The following UNK variants were observed in gnomAD, a reference collection of about 807,000 sequenced individuals.
The protein encoded by UNK is unk zinc finger.
Under a neutral mutation model 97.6 loss-of-function variants are expected in UNK, and 32 were observed. The ratio of observed to expected loss-of-function variants is 0.33; its 90% CI spans 0.25 to 0.44. The LOEUF (loss-of-function observed/expected upper bound fraction) is 0.44, where lower values mean the gene tolerates loss of function less well. Ranked by LOEUF, UNK falls within the 20% of genes least tolerant of loss-of-function variation. The probability of loss-of-function intolerance (pLI) is 1.00; values close to 1 mark genes in which losing one functional copy is unlikely to be tolerated. For missense variants in UNK, 771 were observed against 1,098.4 expected (o/e 0.70, Z 4.21); for synonymous variants, 441 against 461.2 (o/e 0.96, Z 0.56).
chr17:75,798,066 CTT>C (rs776246418), intron 1 of UNK, among the ~76,000 whole-genome samples: 56 of 129,080 alleles, frequency 4.3e-4, no homozygotes, highest in Admixed American at 6.4e-4. Context: ...GACCACAGCT[CTT>C]TTTTTTTTTT....
At chr17:75,793,453 T>A (rs1160135191) in intron 1 of UNK, 1 of 985,308 alleles carries the variant, frequency 1.0e-6, no homozygotes, top group Non-Finnish European at 1.2e-6. Context: ...TGTGTAGAAT[T>A]TGACAGCAGT....
intron 6 of UNK, 25 bp downstream of exon 6, chr17:75,813,903 G>C (rs755985928): frequency 6.5e-7 from 1 of 1,538,860 alleles, no homozygotes; most frequent in African/African-American, 1.4e-5. Flanking sequence ...AGGGTGGGGG[G>C]GTGGCTTTGG....
At chr17:75,785,278 C>A in intron 1 of UNK, 1 of 363,612 alleles carries the variant, frequency 2.8e-6, no homozygotes, top group Non-Finnish European at 5.0e-6. Context: ...CTAACTGTTC[C>A]TCAGACCATA....
chr17:75,786,625 G>A (rs1002600999), intron 1 of UNK, among the ~76,000 whole-genome samples: 1 of 152,134 alleles, frequency 6.6e-6, no homozygotes, highest in African/African-American at 2.4e-5. Context: ...TTGGGAGGCC[G>A]AGGCGGATCG....
At position 75,816,958 on chromosome 17, in the gene UNK, G is replaced by A. The variant is rs750072308; in HGVS notation, c.1104+46G>A. On this transcript the variant is annotated intron_variant, in intron 8 of 15. Transcript: ENST00000589666. The surrounding 1 kb of genome is among the most constrained non-coding windows in gnomAD (Gnocchi z 4.0). Reference sequence around the variant, plus strand: ...GTGGGTGGGCACCATGCCTGACAGAGCCAATACTTGCCTCCTAGGCCCTTT... The same window carrying A: ...GTGGGTGGGCACCATGCCTGACAGAACCAATACTTGCCTCCTAGGCCCTTT... 6.4e-7 allele frequency: 1 copy of A among 1,562,912 alleles called. No individual in the cohort carries two copies. Among genetic ancestry groups the A allele is most frequent in the Non-Finnish European group, 8.6e-7 (1 of 1,159,720 alleles).
Position 75,817,986 on chromosome 17 carries a change from G to C in UNK, c.1306-117G>C. On this transcript the variant is annotated intron_variant, in intron 9 of 15. Transcript: ENST00000589666. This position sits in a 1 kb window ranked among gnomAD's most constrained non-coding sequence, Gnocchi z 5.8. ...AAGAAGGGGGTGTGTGCATGCATGTGAAGAGGGGTTGCATGTCTGCCACCA... is the reference window on the plus strand; with the variant it reads ...AAGAAGGGGGTGTGTGCATGCATGTCAAGAGGGGTTGCATGTCTGCCACCA... The C allele has an allele frequency of 2.1e-6, 2 of 948,100 alleles. No individual in the cohort carries two copies. The highest frequency in any genetic ancestry group is 3.3e-6 in the Non-Finnish European group (2 of 602,974). 58.7% of individuals were successfully genotyped at this position (948,100 alleles called of 1,614,324 possible).
chr17:75,813,391 C>G (rs1413342951), intron 5 of UNK, among the ~76,000 whole-genome samples, 178 bp downstream of exon 5: 1 of 152,188 alleles, frequency 6.6e-6, no homozygotes, highest in Non-Finnish European at 1.5e-5. Context: ...AGGAGCCCAG[C>G]TTCACCTCCT....
chr17:75,804,400 A>G (rs1044776900), intron 1 of UNK, among the ~76,000 whole-genome samples: 4 of 152,030 alleles, frequency 2.6e-5, no homozygotes, highest in African/African-American at 9.7e-5. Flanking sequence ...GGTTGCAGTG[A>G]GCTGAGATCA....
intron 1 of UNK, among the ~76,000 whole-genome samples, chr17:75,790,707 G>T (rs1158972855): frequency 6.6e-6 from 1 of 151,936 alleles, no homozygotes; most frequent in East Asian, 1.9e-4. Flanking sequence ...GAGGCGAGTG[G>T]ATCACTTGAG....
intron 3 of UNK, 45 bp from the exon 4 acceptor site, chr17:75,812,410 C>T (rs377554682): frequency 1.3e-6 from 2 of 1,592,880 alleles, no homozygotes; most frequent in Admixed American, 1.7e-5. Flanking sequence ...TTCTTGCCCC[C>T]TCATGCCCCC....
intron 3 of UNK, 31 bp from the exon 4 acceptor site, chr17:75,812,424 C>T (rs752397755): frequency 4.1e-5 from 65 of 1,601,032 alleles, no homozygotes; most frequent in Non-Finnish European, 4.8e-5. Flanking sequence ...TGCCCCCTCT[C>T]CACCCTCTCT....
intron 1 of UNK, among the ~76,000 whole-genome samples, chr17:75,791,294 A>G (rs1037817271): frequency 1.3e-5 from 2 of 152,248 alleles, no homozygotes; most frequent in South Asian, 2.1e-4. Flanking sequence ...CAATACTTCC[A>G]TAGATAACTC....
intron 3 of UNK, 43 bp downstream of exon 3, chr17:75,812,331 T>A: frequency 6.3e-7 from 1 of 1,589,598 alleles, no homozygotes. Flanking sequence ...TAGGCTGGGG[T>A]CCAGGGCAGG....
chr17:75,803,910 G>T (rs914668144), intron 1 of UNK, among the ~76,000 whole-genome samples: 3 of 152,182 alleles, frequency 2.0e-5, no homozygotes, highest in African/African-American at 7.2e-5. Context: ...GGTAATGTTT[G>T]TTAATGAATT....
intron 1 of UNK, among the ~76,000 whole-genome samples, chr17:75,787,284 T>C (rs1437933466): frequency 1.3e-5 from 2 of 152,100 alleles, no homozygotes; most frequent in South Asian, 2.1e-4. Context: ...CCATCTCAGC[T>C]CACTGTAGCC....
chr17:75,808,015 A>G (rs1031809811), intron 1 of UNK, among the ~76,000 whole-genome samples: 6 of 152,160 alleles, frequency 3.9e-5, no homozygotes, highest in Non-Finnish European at 8.8e-5. Context: ...TAATCTGCCC[A>G]TTCTAACCAT....
chr17:75,811,210 C>T (rs2061966225), intron 2 of UNK, among the ~76,000 whole-genome samples: 1 of 152,184 alleles, frequency 6.6e-6, no homozygotes, highest in Non-Finnish European at 1.5e-5. Context: ...CTCGGCCTCC[C>T]ACAAGTGTTG....
chr17:75,794,158 A>G, intron 1 of UNK: 1 of 973,712 alleles, frequency 1.0e-6, no homozygotes, highest in South Asian at 4.8e-5. Flanking sequence ...AATGAATACA[A>G]AAATGTATAT....
In UNK at chr17:75,824,378, C is replaced by T; in HGVS notation, c.2394C>T (p.Pro798=). The change falls in exon 16 of 16, where the codon CCC becomes CCT. Residue 798 remains proline, a synonymous_variant. Coordinates refer to ENST00000589666, the MANE Select transcript of UNK (RefSeq NM_001080419.3). This position sits in a 1 kb window ranked among gnomAD's most constrained non-coding sequence, Gnocchi z 4.9. ...TCTGCGCTGAGGGCAGCGAGTGCCC[C>T]ATCTGCCAGCCTGGCCGGGCCCACA... ...CELCAEGSEC[P]ICQPGRAHTL... 6.4e-7 allele frequency: 1 copy of T among 1,571,218 alleles called. No homozygotes were observed. Among genetic ancestry groups the T allele is most frequent in the South Asian group, 1.1e-5 (1 of 87,306 alleles).
Sources: allele counts gnomAD v4.1 joint callset (sites outside exome capture counted in the v4.1 genomes callset), GRCh38; gene constraint gnomAD v4.1.1; non-coding constraint Gnocchi (gnomAD v3.1); transcripts MANE v1.5; gene names NCBI Gene and HGNC (gene_info 2026-07-23, HGNC 2026-07-21).